SEC16B: variants seen among roughly 807,000 people sequenced by gnomAD.
SEC16B encodes the protein protein transport protein Sec16B.
A neutral mutation model predicts 141.8 loss-of-function variants in SEC16B; 115 were observed. That is an observed-to-expected ratio of 0.81 (90% confidence interval 0.70 to 0.95). The LOEUF (loss-of-function observed/expected upper bound fraction) is 0.95. SEC16B is among the 40% of genes least tolerant of loss of function. SEC16B has a pLI of 0.00. For synonymous variants in SEC16B, 493 were observed against 492.5 expected (o/e 1.00, Z -0.01); for missense variants, 1,291 against 1,312.3 (o/e 0.98, Z 0.25).
chr1:177,948,564 G>T (rs1441186559), intron 12 of SEC16B: 3 of 1,304,190 alleles, frequency 2.3e-6, no homozygotes, highest in Non-Finnish European at 3.0e-6. Context: ...GCAAAAAAGA[G>T]TAAGCAGCGT....
rs1191637956 is a variant in SEC16B at position 177,964,159 on chromosome 1, A to G, written c.642+12T>C. On this transcript the variant is annotated intron_variant, in intron 5 of 25. Transcript: ENST00000308284. ...GGCCACAGTCTCCAGCCCCCACGTC[A>G]CTTTAGGTTACCTTATTTTTCTGGG... 16 of 1,597,744 alleles carry G rather than the reference A, an allele frequency of 1.0e-5. No individual in the cohort carries two copies. Among genetic ancestry groups the G allele is most frequent in the Admixed American group, 1.7e-5 (1 of 59,200 alleles).
Position 177,968,041 on chromosome 1 carries a change from T to A in SEC16B, c.-58-2A>T. On this transcript the variant is annotated splice_acceptor_variant, in intron 1 of 25. Transcript: ENST00000308284. LOFTEE classifies it low-confidence loss of function (5UTR_SPLICE). The stretch of plus-strand genomic sequence containing the variant: ...AAGTTGTGCAGTTATTTTATCTTCC[T>A]GCAGACAAAAGAAAAAGGAAAAAAT... 1 of 1,472,120 alleles carries A rather than the reference T, an allele frequency of 6.8e-7. No homozygotes were observed. The highest frequency in any genetic ancestry group is 9.1e-7 in the Non-Finnish European group (1 of 1,100,910). The allele number at this position is 1,472,120 out of a possible 1,614,324, so 91.2% of individuals were successfully genotyped here.
intron 18 of SEC16B, 37 bp downstream of exon 18, chr1:177,939,665 T>A (rs1651128487): frequency 6.9e-7 from 1 of 1,452,992 alleles, no homozygotes; most frequent in Non-Finnish European, 9.5e-7. Flanking sequence ...ATCCTGAGCG[T>A]CAGCTATGTA....
chr1:177,960,330 A>G lies in SEC16B; in HGVS notation c.998+12T>C, dbSNP rs1652958556. On this transcript the variant is annotated intron_variant, in intron 8 of 25. Coordinates refer to ENST00000308284, the MANE Select transcript of SEC16B (RefSeq NM_033127.4). ...CAAAAGCCCTTACTCAGCAGCTCTT[A>G]CAGCACTATACCTAATCAAGGGTCC... 6.4e-7 allele frequency: 1 copy of G among 1,572,916 alleles called. No individual in the cohort carries two copies. The highest frequency in any genetic ancestry group is 8.7e-7 in the Non-Finnish European group (1 of 1,145,424).
chr1:177,962,063 T>G (rs1043300946), intron 5 of SEC16B, among the ~76,000 whole-genome samples: 8 of 152,050 alleles, frequency 5.3e-5, no homozygotes, highest in Non-Finnish European at 1.0e-4. Context: ...AAGCAATTCA[T>G]GTATTCATTC....
intron 1 of SEC16B, among the ~76,000 whole-genome samples, chr1:177,981,651 A>G (rs1654421554): frequency 6.6e-6 from 1 of 152,186 alleles, no homozygotes; most frequent in Admixed American, 6.5e-5. Flanking sequence ...ACTTTAATAA[A>G]ATGTGGTAAG....
chr1:177,962,849 G>A (rs1653183554), intron 5 of SEC16B, among the ~76,000 whole-genome samples: 1 of 152,054 alleles, frequency 6.6e-6, no homozygotes, highest in Non-Finnish European at 1.5e-5. Flanking sequence ...GCTCACACCT[G>A]TAATCCCAGC....
At position 177,960,821 on chromosome 1, in the gene SEC16B, T is replaced by C. The variant is rs758983349; in HGVS notation, c.906A>G (p.Gln302=). The change falls in exon 7 of 26, where the codon CAA becomes CAG. Residue 302 remains glutamine (Q), a synonymous_variant. Transcript: ENST00000308284. ...HVGPSSPTDG[Q]AALVELHSME... ...TGCTGTGCAGTTCAACAAGGGCTGC[T>C]TGCCCGTCAGTGGGAGAGCTGGGAC... 7 of 1,612,008 alleles carry C rather than the reference T, an allele frequency of 4.3e-6. No individual in the cohort carries two copies. In the South Asian group the frequency reaches 4.4e-5, roughly 10 times the overall value.
In SEC16B at chr1:177,978,912, A is replaced by G. The variant is rs900824826; in HGVS notation, c.-59+5294T>C. ...TTATTCTGCTCTGTCGCTCATCATAATAATCCATTGCAGTCATAGCTTATC... is the reference window on the plus strand; with the variant it reads ...TTATTCTGCTCTGTCGCTCATCATAGTAATCCATTGCAGTCATAGCTTATC... On this transcript the variant is annotated intron_variant and NMD_transcript_variant, in intron 1 of 24. Coordinates refer to the SEC16B transcript ENST00000528461. Among the ~76,000 whole-genome samples, 23 of 152,304 alleles carry G rather than the reference A, an allele frequency of 1.5e-4. No individual in the cohort carries two copies. In the South Asian group the frequency reaches 1.7e-3, roughly 11 times the overall value.
chr1:177,972,676 C>T (rs368543527), upstream of SEC16B, among the ~76,000 whole-genome samples: 5 of 152,116 alleles, frequency 3.3e-5, no homozygotes, highest in African/African-American at 4.8e-5. Context: ...TTCCAAATGC[C>T]GGACAGCACT....
In SEC16B at chr1:177,966,937, A is replaced by G. The variant is rs186684892; in HGVS notation, c.299+746T>C. ...CTTTATAATAATTGTCATAATTTCA[A>G]CCCTGAATCTGTAAGCAGGTAAATA... is the stretch of plus-strand genomic sequence containing the variant. On this transcript the variant is annotated intron_variant, in intron 2 of 25. Transcript: ENST00000308284. 4.7e-4 allele frequency among the ~76,000 whole-genome samples: 72 copies of G among 152,240 alleles called. 1 individual carries two copies. The highest frequency in any genetic ancestry group is 2.2e-4 in the Non-Finnish European group (15 of 68,030).
At chr1:177,945,125 G>A (rs1251657152) in intron 14 of SEC16B, among the ~76,000 whole-genome samples, 1 of 152,220 alleles carries the variant, frequency 6.6e-6, no homozygotes, top group Non-Finnish European at 1.5e-5. Context: ...GGAGCACTGA[G>A]ACCAAAAGGC....
intron 8 of SEC16B, 199 bp downstream of exon 8, chr1:177,960,143 G>T: frequency 1.8e-6 from 1 of 570,626 alleles, no homozygotes; most frequent in African/African-American, 1.9e-5. Flanking sequence ...TTTTCTTTCT[G>T]TCCTTCAACT....
intron 12 of SEC16B, chr1:177,948,742 TTACC>T: frequency 8.5e-7 from 1 of 1,180,870 alleles, no homozygotes; most frequent in Non-Finnish European, 1.1e-6. Context: ...TCTTACTAGC[TTACC>T]TACCTTGAGC....
At chr1:177,950,051 G>C (rs1162872699) in intron 12 of SEC16B, among the ~76,000 whole-genome samples, 1 of 151,674 alleles carries the variant, frequency 6.6e-6, no homozygotes, top group Non-Finnish European at 1.5e-5. Context: ...CCACTGAATT[G>C]TGAGGCACAC....
At chr1:177,967,140 T>G (rs1653590255) in intron 2 of SEC16B, among the ~76,000 whole-genome samples, 1 of 152,188 alleles carries the variant, frequency 6.6e-6, no homozygotes, top group African/African-American at 2.4e-5. Context: ...CTATCTGCTT[T>G]CCCTGAGGTC....
At chr1:177,945,352 T>C (rs1032207788) in intron 14 of SEC16B, 6 of 152,238 alleles carry the variant, frequency 3.9e-5, no homozygotes, top group African/African-American at 1.4e-4. Flanking sequence ...GGGTAGGACT[T>C]TATTTCCAAG....
chr1:177,929,675 A>T lies in SEC16B; in HGVS notation c.*183T>A. 1 of 619,480 alleles carries T rather than the reference A, an allele frequency of 1.6e-6. No homozygotes were observed. Among genetic ancestry groups the T allele is most frequent in the Non-Finnish European group, 2.9e-6 (1 of 345,492 alleles). 38.4% of individuals were successfully genotyped at this position (619,480 alleles called of 1,614,324 possible). ...CCATCATTGTGAAGCTAATCTTAAG[A>T]GACTGAATTGTGCTGTGTCTTGAGA... On this transcript the variant is annotated 3_prime_UTR_variant, in exon 26 of 26. Transcript: ENST00000308284.
intron 24 of SEC16B, 35 bp downstream of exon 24, chr1:177,932,455 G>A (rs1275287741): frequency 2.7e-6 from 4 of 1,455,834 alleles, no homozygotes; most frequent in East Asian, 5.0e-5. Context: ...GGCATCTGCT[G>A]GGGTCCGAGG....
Sources: gnomAD v4.1 joint callset for allele counts (sites outside exome capture counted in the v4.1 genomes callset) on GRCh38, gnomAD v4.1.1 for gene constraint, MANE v1.5 for transcripts, NCBI Gene and HGNC (gene_info 2026-07-23, HGNC 2026-07-21) for gene names.